The following RBFOX1 variants were observed in gnomAD, a reference collection of about 807,000 sequenced individuals.
The protein encoded by RBFOX1 is RNA binding fox-1 homolog 1, also known as RNA binding protein fox-1 homolog 1.
Under a neutral mutation model 57.7 loss-of-function variants are expected in RBFOX1, and 8 were observed. The ratio of observed to expected loss-of-function variants is 0.14; its 90% confidence interval spans 0.08 to 0.25. The LOEUF (loss-of-function observed/expected upper bound fraction) is 0.25. Among genes scored for constraint, RBFOX1 ranks in the 10% least tolerant of loss-of-function variants. The pLI is 1.00. For synonymous variants in RBFOX1, 326 were observed against 222.4 expected (o/e 1.47, Z -4.15); for missense variants, 611 against 548.5 (o/e 1.11, Z -1.14).
chr16:5,572,620 C>T lies in RBFOX1; in HGVS notation c.259-26282C>T, dbSNP rs151143408. Among the ~76,000 whole-genome samples the T allele has an allele frequency of 2.7e-4, 41 of 152,178 alleles. No homozygotes were observed. The South Asian group carries it at 2.9e-3, about 11-fold the overall frequency. ...GGTTGAGAACCCCTGATCTGTGCAG[C>T]GGGAAGAGAGAATCTGTGAAATAGT... On this transcript the variant is annotated intron_variant, in intron 2 of 2. Transcript: ENST00000585867.
chr16:6,939,478 A>C (rs2077960703), intron 3 of RBFOX1, among the ~76,000 whole-genome samples: 1 of 150,786 alleles, frequency 6.6e-6, no homozygotes, highest in South Asian at 2.1e-4. Flanking sequence ...CTTTGCACAG[A>C]ATTTAAATAG....
chr16:6,019,071 G>T lies in RBFOX1; in HGVS notation c.-1048G>T. On this transcript the variant is annotated 5_prime_UTR_variant, in exon 1 of 16. Coordinates refer to ENST00000550418, the MANE Select transcript of RBFOX1 (RefSeq NM_018723.4). This position sits in a 1 kb window ranked among gnomAD's most constrained non-coding sequence, Gnocchi z 4.2. ...CGGGGCTGCTCGCTGCTTGTCGCGCGCTCACACACACACAGACACACACGC... is the reference window on the plus strand; with the variant it reads ...CGGGGCTGCTCGCTGCTTGTCGCGCTCTCACACACACACAGACACACACGC... 1.0e-6 allele frequency: 1 copy of T among 980,806 alleles called. No individual in the cohort carries two copies. Among genetic ancestry groups the T allele is most frequent in the Non-Finnish European group, 1.2e-6 (1 of 826,544 alleles). 60.8% of individuals were successfully genotyped at this position (980,806 alleles called of 1,614,324 possible). A position where few individuals can be genotyped will look rare whatever the true frequency, so the allele number is the denominator to read the frequency against.
intron 3 of RBFOX1, among the ~76,000 whole-genome samples, chr16:5,623,214 A>G (rs1596488972): frequency 6.6e-6 from 1 of 152,276 alleles, no homozygotes; most frequent in Admixed American, 6.5e-5. Context: ...TGAGAAGAGA[A>G]GGGGTGTGGT....
intron 1 of RBFOX1, among the ~76,000 whole-genome samples, chr16:6,113,228 T>C (rs1004037956): frequency 1.3e-5 from 2 of 152,170 alleles, no homozygotes; most frequent in African/African-American, 4.8e-5. Flanking sequence ...CTTGGTGAAT[T>C]ACAGATGGAC....
chr16:6,410,607 C>T (rs1466389678), intron 2 of RBFOX1, among the ~76,000 whole-genome samples: 2 of 151,900 alleles, frequency 1.3e-5, no homozygotes, highest in East Asian at 3.9e-4. Flanking sequence ...CACCGCGCAC[C>T]TTCTATTTGA....
chr16:7,186,506 G>A (rs28507830), intron 4 of RBFOX1, among the ~76,000 whole-genome samples: 3 of 116,582 alleles, frequency 2.6e-5, no homozygotes, highest in Admixed American at 8.8e-5. Context: ...ATAAATATAA[G>A]CATAAACATA....
chr16:7,132,120 A>C (rs1052676541), intron 4 of RBFOX1, among the ~76,000 whole-genome samples: 2 of 150,816 alleles, frequency 1.3e-5, no homozygotes, highest in Non-Finnish European at 2.9e-5. Flanking sequence ...GGCTGGAATT[A>C]CAGGCACCTT....
At chr16:5,891,627 C>A (rs1230744384) in intron 4 of RBFOX1, among the ~76,000 whole-genome samples, 1 of 152,052 alleles carries the variant, frequency 6.6e-6, no homozygotes, top group Non-Finnish European at 1.5e-5. Context: ...GAGGGTGCAC[C>A]AGGAAGCTCC....
In RBFOX1 at chr16:7,192,827, C is replaced by G. The variant is rs188697299; in HGVS notation, c.27+140729C>G. On this transcript the variant is annotated intron_variant, in intron 4 of 15. Transcript: ENST00000550418. ...ACATTTTTAAAAAGTAAAATTGGAA[C>G]ATACAAAACACACTAATACGGAAGA... Among the ~76,000 whole-genome samples the G allele has an allele frequency of 1.1e-4, 17 of 152,256 alleles. No individual in the cohort carries two copies. The East Asian group carries it at 2.3e-3, about 21-fold the overall frequency.
intron 1 of RBFOX1, among the ~76,000 whole-genome samples, chr16:6,041,754 G>C (rs2095438801): frequency 6.6e-6 from 1 of 152,086 alleles, no homozygotes; most frequent in South Asian, 2.1e-4. Context: ...GACATCAATG[G>C]GCGATGATGC....
At chr16:6,897,307 G>A (rs1322251048) in intron 3 of RBFOX1, among the ~76,000 whole-genome samples, 2 of 152,216 alleles carry the variant, frequency 1.3e-5, no homozygotes, top group Non-Finnish European at 2.9e-5. Context: ...GGAGGCTGAG[G>A]AGGGAGAATC....
chr16:7,215,913 T>C (rs1444814325), intron 4 of RBFOX1, among the ~76,000 whole-genome samples: 6 of 152,000 alleles, frequency 3.9e-5, no homozygotes, highest in Non-Finnish European at 8.8e-5. Context: ...TTAGTAGACA[T>C]GGGGTTTCAC....
At chr16:6,861,288 A>G (rs1225897323) in intron 3 of RBFOX1, among the ~76,000 whole-genome samples, 2 of 152,170 alleles carry the variant, frequency 1.3e-5, no homozygotes, top group Non-Finnish European at 2.9e-5. Context: ...AGGGTTTTAT[A>G]CAAAAACAAG....
intron 3 of RBFOX1, among the ~76,000 whole-genome samples, chr16:6,735,908 G>T (rs1221334827): frequency 1.5e-5 from 2 of 134,672 alleles, no homozygotes; most frequent in African/African-American, 5.0e-5. Flanking sequence ...GAAGAATGAG[G>T]GAGTTTTTGT....
intron 1 of RBFOX1, among the ~76,000 whole-genome samples, chr16:6,137,052 G>C (rs1002266875): frequency 2.6e-5 from 4 of 152,100 alleles, no homozygotes; most frequent in African/African-American, 9.7e-5. Flanking sequence ...TCTGATCCGA[G>C]ACGTTTTCAA....
chr16:5,969,688 A>C (rs1351488995), intron 4 of RBFOX1, among the ~76,000 whole-genome samples: 1 of 151,656 alleles, frequency 6.6e-6, no homozygotes, highest in Non-Finnish European at 1.5e-5. Context: ...AACTTCACAG[A>C]GCTCCCTCTT....
intron 3 of RBFOX1, among the ~76,000 whole-genome samples, chr16:6,803,120 G>C (rs150598538): frequency 2.8e-3 from 418 of 151,748 alleles, no homozygotes; most frequent in African/African-American, 9.7e-3. Flanking sequence ...AAACCTCTGA[G>C]CTAGACCATG....
chr16:5,480,427 T>G (rs1173879164), intron 2 of RBFOX1, among the ~76,000 whole-genome samples: 1 of 151,260 alleles, frequency 6.6e-6, no homozygotes, highest in African/African-American at 2.4e-5. Flanking sequence ...TTCTCAAAAA[T>G]ACAGACAAGT....
chr16:5,754,020 C>G (rs1373006505), intron 3 of RBFOX1, among the ~76,000 whole-genome samples: 1 of 152,172 alleles, frequency 6.6e-6, no homozygotes, highest in African/African-American at 2.4e-5. Context: ...CTCAGCCATT[C>G]TCAAATGTCA....
Sources: gnomAD v4.1 joint callset for allele counts (sites outside exome capture counted in the v4.1 genomes callset) on GRCh38, gnomAD v4.1.1 for gene constraint, Gnocchi (gnomAD v3.1) non-coding constraint, MANE v1.5 for transcripts, NCBI Gene and HGNC (gene_info 2026-07-23, HGNC 2026-07-21) for gene names.